The following SYTL5 variants were observed in gnomAD, a reference collection of about 807,000 sequenced individuals.
SYTL5 encodes synaptotagmin-like protein 5.
In SYTL5, 34 loss-of-function variants were observed where a neutral mutation model predicts 55.9. The observed-to-expected ratio is 0.61, with a 90% CI of 0.46 to 0.81. The LOEUF (loss-of-function observed/expected upper bound fraction) is 0.81. Among genes scored for constraint, SYTL5 ranks in the 30% least tolerant of loss-of-function variants. The pLI, the probability that SYTL5 is intolerant of heterozygous loss-of-function variation, is 0.00. For synonymous variants in SYTL5, 221 were observed against 188.7 expected, an observed-to-expected ratio of 1.17 and a Z score of -1.40; for missense variants, 637 against 546.7, an observed-to-expected ratio of 1.17 and a Z score of -1.65.
At chrX:38,042,375 A>T (rs1369603504) in intron 2 of SYTL5, among the ~76,000 whole-genome samples, 1 of 110,918 alleles carries the variant, frequency 9.0e-6, no homozygotes, top group Admixed American at 9.7e-5. Context: ...GGCCCACTGT[A>T]AATGTGGGTT....
the SYTL5 span, chrX:37,939,741 G>A: frequency 8.9e-6 from 1 of 112,049 alleles, no homozygotes; most frequent in African/African-American, 3.2e-5. Context: ...TTTACAATGG[G>A]TTACGAACTC....
At chrX:38,100,183 C>T (rs1457810320) in intron 9 of SYTL5, among the ~76,000 whole-genome samples, 1 of 110,883 alleles carries the variant, frequency 9.0e-6, no homozygotes, top group Non-Finnish European at 1.9e-5. Flanking sequence ...AGAATTCATC[C>T]ATGAAGCCAG....
chrX:37,901,310 T>G, the SYTL5 span, among the ~76,000 whole-genome samples: 1 of 111,552 alleles, frequency 9.0e-6, no homozygotes, highest in Non-Finnish European at 1.9e-5. Flanking sequence ...GAAGCTGTTG[T>G]AGAAGCAATT....
intron 2 of SYTL5, among the ~76,000 whole-genome samples, chrX:38,048,040 G>A (rs1935516655): frequency 9.1e-6 from 1 of 110,286 alleles, no homozygotes; most frequent in South Asian, 4.0e-4. Context: ...CAAAAAATTA[G>A]CCAGGCGTGG....
At chrX:37,927,628 A>T in the SYTL5 span, among the ~76,000 whole-genome samples, 2 of 110,248 alleles carry the variant, frequency 1.8e-5, no homozygotes, top group East Asian at 5.7e-4. Flanking sequence ...ACAAAAAAAA[A>T]TTAGCTGGGT....
At chrX:37,914,635 A>G in the SYTL5 span, among the ~76,000 whole-genome samples, 160 of 111,874 alleles carry the variant, frequency 1.4e-3, 1 homozygote, top group African/African-American at 4.9e-3. Flanking sequence ...AACATTGATG[A>G]TGTTCTGGGT....
chrX:37,995,136 A>C, the SYTL5 span, among the ~76,000 whole-genome samples: 1 of 109,967 alleles, frequency 9.1e-6, no homozygotes, highest in African/African-American at 3.3e-5. Context: ...ATTGTCTCTG[A>C]ACAGGAAGGC....
intron 10 of SYTL5, chrX:38,103,202 A>G (rs1937125583): frequency 3.9e-6 from 2 of 513,476 alleles, no homozygotes; most frequent in Non-Finnish European, 6.3e-6. Context: ...TCCGACTTAT[A>G]TACAATTAAC....
chrX:38,128,496 A>T lies in SYTL5; in HGVS notation c.*1766A>T, dbSNP rs1195083053. On this transcript the variant is annotated 3_prime_UTR_variant, in exon 17 of 17. Coordinates refer to ENST00000297875, the MANE Select transcript of SYTL5 (RefSeq NM_138780.3). ...GTTTAGAAACTAGGTTTTAGTAGTA[A>T]CGGAGCTAGAATCATCTTCGGGCTT... is the stretch of plus-strand genomic sequence containing the variant. The T allele has an allele frequency of 9.0e-6, 1 of 111,565 alleles. No individual in the cohort carries two copies. Among genetic ancestry groups the T allele is most frequent in the African/African-American group, 3.3e-5 (1 of 30,766 alleles). The allele number at this position is 111,565 out of a possible 1,213,427, so 9.2% of individuals were successfully genotyped here. A position where few individuals can be genotyped will look rare whatever the true frequency, so the allele number is the denominator to read the frequency against.
chrX:37,893,377 TAA>T, the SYTL5 span, among the ~76,000 whole-genome samples: 272 of 98,537 alleles, frequency 2.8e-3, 3 homozygotes, highest in African/African-American at 9.1e-3. Context: ...ATAGTATATA[TAA>T]GTTTGAATAA....
chrX:38,102,513 A>G (rs907867227), intron 10 of SYTL5, 79 bp downstream of exon 10: 11 of 706,974 alleles, frequency 1.6e-5, no homozygotes, highest in African/African-American at 4.2e-5. Flanking sequence ...GGAGATATGA[A>G]TGTTCTTAGG....
At chrX:37,979,885 A>ATG in the SYTL5 span, among the ~76,000 whole-genome samples, 2 of 108,780 alleles carry the variant, frequency 1.8e-5, no homozygotes, top group Non-Finnish European at 3.8e-5. Flanking sequence ...ATATGTATAC[A>ATG]TGTGCCATGT....
At chrX:37,965,295 A>G in the SYTL5 span, among the ~76,000 whole-genome samples, 25 of 110,512 alleles carry the variant, frequency 2.3e-4, no homozygotes, top group Non-Finnish European at 4.7e-4. Flanking sequence ...TTTTTATTTT[A>G]TTTTTTTCTG....
chrX:38,006,182 A>G (rs1243590309), upstream of SYTL5, among the ~76,000 whole-genome samples: 4 of 111,455 alleles, frequency 3.6e-5, no homozygotes, highest in African/African-American at 1.3e-4. Flanking sequence ...CACCTAACAC[A>G]TTTGGAGAAT....
intron 3 of SYTL5, among the ~76,000 whole-genome samples, chrX:38,057,803 C>A (rs1266337963): frequency 9.0e-6 from 1 of 111,473 alleles, no homozygotes; most frequent in Non-Finnish European, 1.9e-5. Flanking sequence ...TCAACATAAT[C>A]TTTTACTGAT....
chrX:37,962,008 T>C, the SYTL5 span, among the ~76,000 whole-genome samples: 2 of 111,833 alleles, frequency 1.8e-5, no homozygotes, highest in Admixed American at 9.5e-5. Context: ...TTCATAAACA[T>C]AAAACAATCA....
chrX:37,933,675 A>C, the SYTL5 span, among the ~76,000 whole-genome samples: 1 of 112,128 alleles, frequency 8.9e-6, no homozygotes, highest in African/African-American at 3.2e-5. Flanking sequence ...AGGCTAAACA[A>C]AAAACTTAAA....
At chrX:37,925,180 A>C in the SYTL5 span, among the ~76,000 whole-genome samples, 2 of 112,079 alleles carry the variant, frequency 1.8e-5, no homozygotes, top group Non-Finnish European at 3.8e-5. Context: ...ATGTTGATGT[A>C]AATGACAGAA....
rs182578357 is a variant in SYTL5, at chrX:38,016,969, C to G, written c.-357+10301C>G. 9.8e-5 allele frequency among the ~76,000 whole-genome samples: 11 copies of G among 112,500 alleles called. No homozygotes were observed. In the East Asian group the frequency reaches 3.1e-3, roughly 31 times the overall value. On this transcript the variant is annotated intron_variant, in intron 1 of 16. Coordinates refer to ENST00000297875, the MANE Select transcript of SYTL5 (RefSeq NM_138780.3). ...AGGTGGTCTCCTGCACCATAAGCCT[C>G]TACTGCAGAGCATCCTCTTAGACAT...
Sources: gnomAD v4.1 joint callset for allele counts (sites outside exome capture counted in the v4.1 genomes callset) on GRCh38, gnomAD v4.1.1 for gene constraint, MANE v1.5 for transcripts, NCBI Gene and HGNC (gene_info 2026-07-23, HGNC 2026-07-21) for gene names.